The following USP48 variants were observed in gnomAD, a reference collection of about 807,000 sequenced individuals.
USP48 encodes ubiquitin carboxyl-terminal hydrolase 48.
A neutral mutation model predicts 150.7 loss-of-function variants in USP48; 43 were observed. The ratio of observed to expected loss-of-function variants is 0.29; its 90% confidence interval spans 0.22 to 0.37. The LOEUF is 0.37. Among genes scored for constraint, USP48 ranks in the 10% least tolerant of loss-of-function variants. The pLI is 1.00. For synonymous variants in USP48, 396 were observed against 425.9 expected (o/e 0.93, Z 0.86); for missense variants, 813 against 1,249.6 (o/e 0.65, Z 5.27).
chr1:21,711,650 G>A (rs2097690508), intron 15 of USP48, among the ~76,000 whole-genome samples: 1 of 152,206 alleles, frequency 6.6e-6, no homozygotes, highest in Non-Finnish European at 1.5e-5. Context: ...ATAGCAGACA[G>A]TGCCATTGGG....
At chr1:21,720,435 C>T (rs1181404682) in intron 14 of USP48, among the ~76,000 whole-genome samples, 1 of 152,092 alleles carries the variant, frequency 6.6e-6, no homozygotes, top group Non-Finnish European at 1.5e-5. Context: ...TTGCTCTGAG[C>T]TACTTGTGAG....
At chr1:21,777,972 CAAAAAAA>C (rs34374350) in intron 1 of USP48, among the ~76,000 whole-genome samples, 3 of 118,924 alleles carry the variant, frequency 2.5e-5, no homozygotes, top group African/African-American at 6.6e-5. Context: ...CTAAATATAC[CAAAAAAA>C]AAAAAAAAAA....
At chr1:21,724,133 TAC>T in intron 11 of USP48, 38 bp from the exon 12 acceptor site, 1 of 1,597,794 alleles carries the variant, frequency 6.3e-7, no homozygotes, top group South Asian at 1.1e-5. Context: ...TATGTATTTT[TAC>T]AGTTTTTTGA....
chr1:21,736,900 T>C (rs1044399339), intron 8 of USP48, among the ~76,000 whole-genome samples: 1 of 152,184 alleles, frequency 6.6e-6, no homozygotes, highest in Non-Finnish European at 1.5e-5. Flanking sequence ...TCAGGGAATA[T>C]AAGCTACTCT....
intron 21 of USP48, among the ~76,000 whole-genome samples, chr1:21,702,403 A>G (rs1356730698): frequency 2.0e-5 from 3 of 152,006 alleles, no homozygotes; most frequent in African/African-American, 7.2e-5. Context: ...TCCCTAATAT[A>G]ATAAAAATGC....
At chr1:21,736,233 C>T (rs1474623271) in intron 9 of USP48, among the ~76,000 whole-genome samples, 1 of 152,112 alleles carries the variant, frequency 6.6e-6, no homozygotes, top group African/African-American at 2.4e-5. Flanking sequence ...GACTGTACCA[C>T]TGCATTCCAG....
chr1:21,683,235 G>C (rs545796119), intron 25 of USP48, among the ~76,000 whole-genome samples: 2 of 152,036 alleles, frequency 1.3e-5, no homozygotes, highest in South Asian at 4.2e-4. Flanking sequence ...AGCCTTTTGA[G>C]ACTCCATCTC....
Position 21,736,614 on chromosome 1 carries a change from C to T in USP48, c.1003G>A (p.Val335Met), listed in dbSNP as rs1222037562. 1 of 1,437,084 alleles carries T rather than the reference C, an allele frequency of 7.0e-7. No homozygotes were observed. The highest frequency in any genetic ancestry group is 9.1e-7 in the Non-Finnish European group (1 of 1,094,518). The allele number at this position is 1,437,084 out of a possible 1,614,324, so 89.0% of individuals were successfully genotyped here. The change falls in exon 9 of 27, where the codon GTG becomes ATG. Residue 335 changes from valine (V) to methionine (M), a missense_variant. By Grantham distance (21) the Val-to-Met change is conservative. Coordinates refer to ENST00000308271, the MANE Select transcript of USP48 (RefSeq NM_032236.8). ...PYVEHKGGSY[V>M]YELSAVLIHR... The stretch of plus-strand genomic sequence containing the variant: ...ATGAGGACTGCGCTGAGTTCATACA[C>T]GTAGGACCCACCTGGAGAGAAAGGG...
At chr1:21,681,660 T>C (rs1371758944) in intron 25 of USP48, among the ~76,000 whole-genome samples, 1 of 152,190 alleles carries the variant, frequency 6.6e-6, no homozygotes, top group Non-Finnish European at 1.5e-5. Flanking sequence ...CCCATCCTCC[T>C]GATGAAGTGG....
intron 1 of USP48, among the ~76,000 whole-genome samples, chr1:21,781,610 T>C (rs2097914708): frequency 6.6e-6 from 1 of 152,068 alleles, no homozygotes; most frequent in Non-Finnish European, 1.5e-5. Context: ...GGCCCGTGCC[T>C]CTAATCCCAG....
chr1:21,766,289 T>C (rs1374356216), intron 1 of USP48, among the ~76,000 whole-genome samples: 2 of 152,030 alleles, frequency 1.3e-5, no homozygotes. Context: ...GAGAATCACT[T>C]GAACCCGGGA....
chr1:21,781,192 T>C (rs929731708), intron 1 of USP48, among the ~76,000 whole-genome samples: 3 of 130,242 alleles, frequency 2.3e-5, no homozygotes, highest in African/African-American at 8.8e-5. Context: ...GCCAAGGCGG[T>C]CAAATTATCT....
At chr1:21,690,202 C>T (rs1166967018) in intron 23 of USP48, 103 bp from the exon 24 acceptor site, 6 of 1,297,562 alleles carry the variant, frequency 4.6e-6, no homozygotes, top group Non-Finnish European at 6.2e-6. Flanking sequence ...AAAAAAAAGG[C>T]TTCAGAGTAC....
chr1:21,762,650 G>A (rs955154329), intron 1 of USP48, among the ~76,000 whole-genome samples: 6 of 151,938 alleles, frequency 3.9e-5, no homozygotes, highest in African/African-American at 7.3e-5. Context: ...GGTGGATCAC[G>A]AGGTCAGGGG....
chr1:21,758,636 G>C (rs1272909976), intron 1 of USP48, among the ~76,000 whole-genome samples: 2 of 151,894 alleles, frequency 1.3e-5, no homozygotes, highest in Non-Finnish European at 1.5e-5. Flanking sequence ...TGTAATCCCA[G>C]CTACTTGGGA....
At chr1:21,728,114 CATA>C in intron 11 of USP48, 7 of 985,952 alleles carry the variant, frequency 7.1e-6, no homozygotes, top group Non-Finnish European at 8.4e-6. Context: ...CTACTCTTAG[CATA>C]ATATTTGGTA....
chr1:21,724,203 G>T, intron 11 of USP48, 108 bp from the exon 12 acceptor site: 1 of 1,055,100 alleles, frequency 9.5e-7, no homozygotes, highest in Non-Finnish European at 1.4e-6. Flanking sequence ...AGAGTTAGCA[G>T]AATCAGAAGA....
Position 21,748,212 on chromosome 1 carries a change from A to T in USP48, c.834T>A (p.Asn278Lys), listed in dbSNP as rs1367690035. 1 of 1,614,018 alleles carries T rather than the reference A, an allele frequency of 6.2e-7. No individual in the cohort carries two copies. Among genetic ancestry groups the T allele is most frequent in the Non-Finnish European group, 8.5e-7 (1 of 1,179,990 alleles). ...YFCENCQSKQNATRKIRLLSL... is the reference protein window; with the variant it reads ...YFCENCQSKQKATRKIRLLSL... The stretch of plus-strand genomic sequence containing the variant: ...TAAGAAGTCGAATCTTTCTTGTTGC[A>T]TTCTGTTTGCTTTGACAGTTCTCGC... The change falls in exon 7 of 27, where the codon AAT (asparagine) becomes AAA (lysine). Residue 278 changes from asparagine (N) to lysine (K), a missense_variant. By Grantham distance (94) the Asn-to-Lys change is moderately conservative. Coordinates refer to ENST00000308271, the MANE Select transcript of USP48 (RefSeq NM_032236.8).
rs768174093 is a variant in USP48 at position 21,705,750 on chromosome 1, G to A, written c.2361C>T (p.Ser787=). 6.2e-7 allele frequency: 1 copy of A among 1,609,966 alleles called. No homozygotes were observed. The highest frequency in any genetic ancestry group is 1.7e-5 in the Admixed American group (1 of 59,030). ...ACAGTTTAGAATCTTCTTTGGTCAT[G>A]GAAGCAAATGTAAACATGAGGCCCC... ...PHGGLMFTFA[S]MTKEDSKLIA... is the part of the protein sequence containing the mutation. The change falls in exon 19 of 27, where the codon TCC becomes TCT. Residue 787 remains serine (S), a synonymous_variant. Transcript: ENST00000308271.
Sources: allele counts gnomAD v4.1 joint callset (sites outside exome capture counted in the v4.1 genomes callset), GRCh38; gene constraint gnomAD v4.1.1; transcripts MANE v1.5; gene names NCBI Gene and HGNC (gene_info 2026-07-23, HGNC 2026-07-21).